Variants in TEX36 observed in about 807,000 individuals in gnomAD.
TEX36 encodes the protein testis-expressed protein 36.
A neutral mutation model predicts 13.6 loss-of-function variants in TEX36; 12 were observed. The observed-to-expected ratio is 0.88, with a 90% confidence interval of 0.56 to 1.43. TEX36 has a LOEUF of 1.43. TEX36 is among the 40% of genes most tolerant of loss of function. The pLI, the probability that TEX36 is intolerant of heterozygous loss-of-function variation, is 0.00. For missense variants in TEX36, 224 were observed against 228.3 expected, an observed-to-expected ratio of 0.98 and a Z score of 0.12; for synonymous variants, 93 against 83.0, an observed-to-expected ratio of 1.12 and a Z score of -0.65.
At chr10:125,627,049 C>G (rs1002567623) in intron 3 of TEX36, among the ~76,000 whole-genome samples, 3 of 152,184 alleles carry the variant, frequency 2.0e-5, no homozygotes, top group Non-Finnish European at 4.4e-5. Context: ...ACCTCAAGCA[C>G]TGGATTAATT....
In TEX36 at chr10:125,599,606, G is replaced by A. The variant is rs564107457; in HGVS notation, c.265-22732C>T. Among the ~76,000 whole-genome samples the A allele has an allele frequency of 2.4e-4, 36 of 152,282 alleles. No individual in the cohort carries two copies. The South Asian group carries it at 7.3e-3, about 31-fold the overall frequency. On this transcript the variant is annotated intron_variant, in intron 3 of 3. Transcript: ENST00000532135. ...GCTTAGGGAAAGATGGCGCATATGAGCACCAAGGTTTACCCAATGCCAGGA... is the reference window on the plus strand; with the variant it reads ...GCTTAGGGAAAGATGGCGCATATGAACACCAAGGTTTACCCAATGCCAGGA...
At chr10:125,662,519 T>C (rs541338303) in intron 1 of TEX36, among the ~76,000 whole-genome samples, 3 of 152,074 alleles carry the variant, frequency 2.0e-5, no homozygotes, top group East Asian at 3.9e-4. Context: ...GGTAGAAGGA[T>C]GTGAAGCAAG....
chr10:125,609,457 A>T (rs568231203), intron 3 of TEX36, among the ~76,000 whole-genome samples: 1 of 152,180 alleles, frequency 6.6e-6, no homozygotes, highest in Admixed American at 6.5e-5. Context: ...TTGAATGGTG[A>T]TCTAACCAAC....
downstream of TEX36, among the ~76,000 whole-genome samples, chr10:125,621,105 C>T (rs1433760623): frequency 6.6e-6 from 1 of 152,080 alleles, no homozygotes; most frequent in Non-Finnish European, 1.5e-5. Context: ...GATACAGTAT[C>T]CCCAAATACC....
At chr10:125,576,817 C>T (rs188018174) in exon 4 of TEX36, 7 of 1,536,032 alleles carry the variant, frequency 4.6e-6, no homozygotes, top group Non-Finnish European at 6.1e-6. Context: ...CTCACCGGCT[C>T]ATAGAACTCT....
rs974259924 is a variant in TEX36 at position 125,673,689 on chromosome 10, G to A, written c.51+9250C>T. On this transcript the variant is annotated intron_variant, in intron 1 of 3. Coordinates refer to ENST00000368821, the MANE Select transcript of TEX36 (RefSeq NM_001128202.3). ...CACACTATTGCACTCCAGCCTGGGC[G>A]ACGAGAGAGAGACTCTCTCTCAAAA... Among the ~76,000 whole-genome samples the A allele has an allele frequency of 5.1e-5, 7 of 137,094 alleles. No individual in the cohort carries two copies. The South Asian group carries it at 9.5e-4, about 19-fold the overall frequency. 89.9% of individuals were successfully genotyped at this position (137,094 alleles called of 152,430 possible).
intron 1 of TEX36, among the ~76,000 whole-genome samples, chr10:125,670,907 C>A (rs1393161618): frequency 1.3e-5 from 2 of 151,712 alleles, no homozygotes; most frequent in Non-Finnish European, 2.9e-5. Flanking sequence ...GATGAGCAGT[C>A]TTATTTCTGA....
intron 1 of TEX36, among the ~76,000 whole-genome samples, chr10:125,668,880 C>T (rs537746652): frequency 2.8e-4 from 43 of 152,210 alleles, no homozygotes; most frequent in African/African-American, 9.4e-4. Flanking sequence ...TCTGCTTGGC[C>T]GGGCACGGTG....
At chr10:125,596,381 G>C (rs780402629) in intron 3 of TEX36, among the ~76,000 whole-genome samples, 1 of 152,118 alleles carries the variant, frequency 6.6e-6, no homozygotes, top group African/African-American at 2.4e-5. Flanking sequence ...AGGAGGAAGA[G>C]GGAGGGAGAG....
At chr10:125,603,420 C>T (rs1332892205) in intron 3 of TEX36, among the ~76,000 whole-genome samples, 1 of 152,092 alleles carries the variant, frequency 6.6e-6, no homozygotes, top group African/African-American at 2.4e-5. Flanking sequence ...TCTGCTCCGC[C>T]CGTTGCCTGA....
intron 3 of TEX36, among the ~76,000 whole-genome samples, chr10:125,602,354 T>A (rs1212219283): frequency 6.6e-6 from 1 of 152,130 alleles, no homozygotes; most frequent in African/African-American, 2.4e-5. Flanking sequence ...GCGCTTTTCA[T>A]CTATTAAAAA....
At chr10:125,585,245 C>T (rs1265214905) in intron 3 of TEX36, among the ~76,000 whole-genome samples, 5 of 152,118 alleles carry the variant, frequency 3.3e-5, no homozygotes, top group African/African-American at 1.2e-4. Context: ...ATACCATGGA[C>T]GAGTTCCCAG....
At chr10:125,639,233 T>A (rs1846654857) in intron 3 of TEX36, among the ~76,000 whole-genome samples, 2 of 152,204 alleles carry the variant, frequency 1.3e-5, no homozygotes, top group African/African-American at 4.8e-5. Flanking sequence ...CATTTCTATA[T>A]TTATCTTCTC....
chr10:125,656,316 G>T, intron 3 of TEX36, 120 bp from the exon 4 acceptor site: 1 of 972,170 alleles, frequency 1.0e-6, no homozygotes, highest in Non-Finnish European at 1.4e-6. Flanking sequence ...GAGTTCAGTG[G>T]CACGATCTCA....
rs557332815 is a variant in TEX36 at position 125,650,046 on chromosome 10, T to G, written c.264+10975A>C. ...GACTTAGATTCCCACACAATAATTA[T>G]GGGAGACTGTAACACCCCACTGTCA... On this transcript the variant is annotated intron_variant, in intron 3 of 3. Transcript: ENST00000526819. Among the ~76,000 whole-genome samples the G allele has an allele frequency of 2.0e-3, 304 of 152,278 alleles. 1 individual carries two copies. Among genetic ancestry groups the G allele is most frequent in the African/African-American group, 7.1e-3 (294 of 41,550 alleles).
intron 1 of TEX36, among the ~76,000 whole-genome samples, chr10:125,673,730 A>G (rs1847268719): frequency 2.0e-5 from 3 of 149,696 alleles, no homozygotes; most frequent in Non-Finnish European, 2.9e-5. Context: ...AAAAAAAAAA[A>G]AAAGGTTGAA....
intron 3 of TEX36, among the ~76,000 whole-genome samples, chr10:125,591,612 T>C (rs1846021823): frequency 6.6e-6 from 1 of 152,224 alleles, no homozygotes; most frequent in South Asian, 2.1e-4. Context: ...GCCATGGTTC[T>C]CTCTACACTG....
chr10:125,584,141 T>C (rs1467800656), intron 3 of TEX36, among the ~76,000 whole-genome samples: 2 of 152,280 alleles, frequency 1.3e-5, no homozygotes, highest in African/African-American at 4.8e-5. Flanking sequence ...ATGCCTGCCA[T>C]GTTATGAGTC....
intron 3 of TEX36, among the ~76,000 whole-genome samples, chr10:125,645,801 T>G (rs755403254): frequency 6.6e-6 from 1 of 151,908 alleles, no homozygotes; most frequent in South Asian, 2.1e-4. Context: ...AATTATTCCC[T>G]CTAAAAAAAA....
Sources: allele counts gnomAD v4.1 joint callset (sites outside exome capture counted in the v4.1 genomes callset), GRCh38; gene constraint gnomAD v4.1.1; transcripts MANE v1.5; gene names NCBI Gene and HGNC (gene_info 2026-07-23, HGNC 2026-07-21).